Variants in BICRAL observed in about 807,000 individuals in gnomAD.
BICRAL encodes BICRA like chromatin remodeling complex associated protein, also known as BRD4-interacting chromatin-remodeling complex-associated protein-like.
A neutral mutation model predicts 91.8 loss-of-function variants in BICRAL; 8 were observed. That is an observed-to-expected ratio of 0.09 (90% CI 0.05 to 0.16). The LOEUF (loss-of-function observed/expected upper bound fraction) is 0.16. Ranked by LOEUF, BICRAL falls within the 10% of genes least tolerant of loss-of-function variation. The pLI is 1.00. For synonymous variants in BICRAL, 445 were observed against 491.1 expected, an observed-to-expected ratio of 0.91 and a Z score of 1.24; for missense variants, 1,038 against 1,310.9, an observed-to-expected ratio of 0.79 and a Z score of 3.21.
Position 42,828,660 on chromosome 6 carries a change from C to T in BICRAL, c.327C>T (p.Ser109=), listed in dbSNP as rs770610881. The change falls in exon 6 of 13, where the codon TCC becomes TCT. Residue 109 remains serine (S), a synonymous_variant. Transcript: ENST00000314073. ...EDQPFDILQK[S]LQEANITEQT... is the part of the protein sequence containing the mutation. ...AACCTTTCGACATTCTTCAGAAATC[C>T]TTGCAAGAGGCCAATATCACTGAAC... The T allele has an allele frequency of 1.2e-6, 2 of 1,614,106 alleles. No individual in the cohort carries two copies. The highest frequency in any genetic ancestry group is 1.7e-6 in the Non-Finnish European group (2 of 1,180,004).
intron 1 of BICRAL, among the ~76,000 whole-genome samples, chr6:42,785,365 C>G (rs980994443): frequency 1.3e-5 from 2 of 151,826 alleles, no homozygotes; most frequent in African/African-American, 4.8e-5. Context: ...TAGAGACCAG[C>G]CTGTCCAACG....
chr6:42,783,144 C>T (rs1016247289), intron 1 of BICRAL, among the ~76,000 whole-genome samples: 1 of 151,404 alleles, frequency 6.6e-6, no homozygotes, highest in Non-Finnish European at 1.5e-5. Context: ...GTTCCCGCTC[C>T]CGCTCCGAGC....
chr6:42,864,673 G>A lies in BICRAL; in HGVS notation c.2467G>A (p.Asp823Asn). ...CCCATTTCCAGAGGGTTTTCAGGCT[G>A]ATTTCTGTTGTTCCTTCAAACTTGA... ...ALVDPEGFQA[D>N]FCCSFKLDKA... is the part of the protein sequence containing the mutation. The change falls in exon 13 of 13, where the codon GAT becomes AAT. Residue 823 changes from aspartate (D) to asparagine (N), a missense_variant. Physicochemically the swap from Asp to Asn is conservative, Grantham distance 23 (BLOSUM62 1). Around this residue, in one of 5 missense-constraint regions of BICRAL, gnomAD observed 294 missense variants for 292.6 expected, o/e 1.00. Transcript: ENST00000314073. The A allele has an allele frequency of 6.2e-7, 1 of 1,613,558 alleles. No homozygotes were observed. Among genetic ancestry groups the A allele is most frequent in the Non-Finnish European group, 8.5e-7 (1 of 1,179,650 alleles).
intron 1 of BICRAL, among the ~76,000 whole-genome samples, chr6:42,800,596 C>T (rs1281158874): frequency 6.6e-6 from 1 of 150,696 alleles, no homozygotes; most frequent in African/African-American, 2.5e-5. Flanking sequence ...ATCGCCCAGG[C>T]TAGAGTGCAG....
intron 1 of BICRAL, among the ~76,000 whole-genome samples, chr6:42,792,738 C>T (rs571891968): frequency 1.3e-5 from 2 of 151,952 alleles, no homozygotes; most frequent in African/African-American, 4.8e-5. Context: ...CATGAAGAAA[C>T]CCCATCTCTA....
intron 5 of BICRAL, among the ~76,000 whole-genome samples, chr6:42,825,341 G>T (rs1032824405): frequency 2.0e-5 from 3 of 151,160 alleles, no homozygotes; most frequent in Non-Finnish European, 4.4e-5. Context: ...GAGGTGGGCG[G>T]ATCATGAGGT....
chr6:42,812,792 G>A (rs749478363), intron 2 of BICRAL, among the ~76,000 whole-genome samples: 15 of 152,146 alleles, frequency 9.9e-5, no homozygotes, highest in Non-Finnish European at 5.9e-5. Flanking sequence ...AGCACTTTAG[G>A]AGGCCAAGGC....
At chr6:42,761,895 C>A (rs1348311272) in intron 1 of BICRAL, among the ~76,000 whole-genome samples, 12 of 151,628 alleles carry the variant, frequency 7.9e-5, no homozygotes, top group Non-Finnish European at 1.3e-4. Context: ...TCCTGGGTGA[C>A]CTTGTCTCAA....
chr6:42,823,382 A>G (rs924912223), intron 5 of BICRAL, among the ~76,000 whole-genome samples: 4 of 152,172 alleles, frequency 2.6e-5, no homozygotes, highest in Non-Finnish European at 2.9e-5. Flanking sequence ...TTGGCCTCCC[A>G]AAATGTTGGA....
Position 42,790,126 on chromosome 6 carries a change from A to G in BICRAL, c.-102+8025A>G, listed in dbSNP as rs570729526. 9.2e-5 allele frequency among the ~76,000 whole-genome samples: 14 copies of G among 152,226 alleles called. No individual in the cohort carries two copies. In the South Asian group the frequency reaches 2.9e-3, roughly 32 times the overall value. ...GTGATGAGAAAAAAAGTCTGATTACAGAACAGGGAAGGAGAGAAATAAGCA... is the reference window on the plus strand; with the variant it reads ...GTGATGAGAAAAAAAGTCTGATTACGGAACAGGGAAGGAGAGAAATAAGCA... On this transcript the variant is annotated intron_variant, in intron 1 of 12. Transcript: ENST00000314073.
intron 1 of BICRAL, among the ~76,000 whole-genome samples, chr6:42,760,293 C>T (rs1762525705): frequency 1.4e-5 from 2 of 140,124 alleles, no homozygotes; most frequent in South Asian, 2.3e-4. Context: ...CCGAGGCACG[C>T]GGATCACCTG....
chr6:42,815,728 C>G (rs575929692), intron 2 of BICRAL, among the ~76,000 whole-genome samples: 1 of 152,008 alleles, frequency 6.6e-6, no homozygotes, highest in East Asian at 1.9e-4. Flanking sequence ...TGGCTCCTGA[C>G]TGTAATCCCA....
chr6:42,855,878 A>G lies in BICRAL; in HGVS notation c.2069A>G (p.Gln690Arg), dbSNP rs556577238. 3 of 1,610,908 alleles carry G rather than the reference A, an allele frequency of 1.9e-6. No individual in the cohort carries two copies. Among genetic ancestry groups the G allele is most frequent in the East Asian group, 4.5e-5 (2 of 44,852 alleles). The change falls in exon 9 of 13, where the codon CAA becomes CGA. Residue 690 changes from glutamine (Q) to arginine (R), a missense_variant. Transcript: ENST00000314073. Reference sequence around the variant, plus strand: ...TAGGTGGAGAGTCATTCGGGAGGACAAAAAAGGCCTGCTGCGAAACAGCTA... The same window carrying G: ...TAGGTGGAGAGTCATTCGGGAGGACGAAAAAGGCCTGCTGCGAAACAGCTA... Reference protein sequence around the residue: ...AVQVESHSGGQKRPAAKQLTK... With the variant: ...AVQVESHSGGRKRPAAKQLTK...
chr6:42,766,965 G>A (rs566327765), intron 1 of BICRAL, among the ~76,000 whole-genome samples: 10 of 152,068 alleles, frequency 6.6e-5, no homozygotes, highest in Admixed American at 1.3e-4. Context: ...GCGTGAACCC[G>A]GAAGGCGGAG....
upstream of BICRAL, among the ~76,000 whole-genome samples, chr6:42,781,590 TGG>T (rs1762907738): frequency 2.5e-5 from 1 of 40,102 alleles, no homozygotes; most frequent in African/African-American, 8.1e-5. Context: ...ACTGGGTGGG[TGG>T]GTGGGTGTGT....
At chr6:42,850,351 C>G (rs1298689255) in intron 6 of BICRAL, among the ~76,000 whole-genome samples, 1 of 151,922 alleles carries the variant, frequency 6.6e-6, no homozygotes, top group Non-Finnish European at 1.5e-5. Context: ...GAAACCCCGT[C>G]TCTACTAAAA....
chr6:42,857,614 A>AAAAAAAAATATATATAT, intron 10 of BICRAL, among the ~76,000 whole-genome samples: 1 of 96,242 alleles, frequency 1.0e-5, no homozygotes, highest in African/African-American at 6.5e-5. Context: ...AAAAAAAAAA[A>AAAAAAAAATATATATAT]ATATATATAT....
upstream of BICRAL, among the ~76,000 whole-genome samples, chr6:42,780,721 C>T (rs886247847): frequency 1.3e-5 from 2 of 148,742 alleles, no homozygotes; most frequent in Non-Finnish European, 3.0e-5. Flanking sequence ...CTCCAGGCCA[C>T]GTAATGTTGT....
In BICRAL at chr6:42,865,401, T is replaced by C. The variant is rs1170856502; in HGVS notation, c.3195T>C (p.Thr1065=). Residue 1065 remains threonine, a synonymous_variant, in exon 13 of 13, where the codon ACT becomes ACC. Coordinates refer to ENST00000314073, the MANE Select transcript of BICRAL (RefSeq NM_001393499.1). ...ACCACAGTGAAGGTGTTGTAGAAAC[T>C]GACTCCATTTTAGAAGCAGCTGTAA... ...IPDHSEGVVE[T]DSILEAAVNS... 1 of 1,613,500 alleles carries C rather than the reference T, an allele frequency of 6.2e-7. No homozygotes were observed. The highest frequency in any genetic ancestry group is 1.3e-5 in the African/African-American group (1 of 74,876).
Sources: allele counts gnomAD v4.1 joint callset (sites outside exome capture counted in the v4.1 genomes callset), GRCh38; gene constraint gnomAD v4.1.1; regional missense constraint gnomAD v4.1.1; transcripts MANE v1.5; gene names NCBI Gene and HGNC (gene_info 2026-07-23, HGNC 2026-07-21).